Variants in HPF1 observed in about 807,000 individuals in gnomAD.
HPF1 encodes the protein UPF0609 protein C4orf27.
Under a neutral mutation model 38.8 loss-of-function variants are expected in HPF1, and 35 were observed. The ratio of observed to expected loss-of-function variants is 0.90; its 90% CI spans 0.69 to 1.19. The LOEUF (loss-of-function observed/expected upper bound fraction) is 1.19. Ranked by LOEUF, HPF1 falls within the 50% of genes most tolerant of loss-of-function variation. The pLI, the probability that HPF1 is intolerant of heterozygous loss-of-function variation, is 0.00. For synonymous variants in HPF1, 115 were observed against 139.2 expected (o/e 0.83, Z 1.22); for missense variants, 367 against 405.8 (o/e 0.90, Z 0.82).
intron 5 of HPF1, among the ~76,000 whole-genome samples, chr4:169,741,218 G>C (rs1308508209): frequency 6.6e-6 from 1 of 152,196 alleles, no homozygotes; most frequent in African/African-American, 2.4e-5. Flanking sequence ...ACCAGTGCTA[G>C]TTTATTAAGG....
At chr4:169,737,790 C>G (rs1450510798) in intron 5 of HPF1, 43 bp from the exon 6 acceptor site, 2 of 1,223,348 alleles carry the variant, frequency 1.6e-6, no homozygotes, top group Non-Finnish European at 2.3e-6. Flanking sequence ...GGTAAGCAGA[C>G]ATCAAAAAAA....
At position 169,752,211 on chromosome 4, in the gene HPF1, C is replaced by T. The variant is rs1221096313; in HGVS notation, c.208+1465G>A. ...TTTGAGATGGAGTCTCGCTCTGTCA[C>T]CCAGACTGGAGTGCAGTGGTGTGAT... On this transcript the variant is annotated intron_variant, in intron 2 of 7. Transcript: ENST00000393381. Among the ~76,000 whole-genome samples, 5 of 132,462 alleles carry T rather than the reference C, an allele frequency of 3.8e-5. No homozygotes were observed. In the East Asian group the frequency reaches 9.4e-4, roughly 25 times the overall value. 86.9% of individuals were successfully genotyped at this position (132,462 alleles called of 152,430 possible).
chr4:169,736,212 C>A (rs772180459), intron 6 of HPF1, among the ~76,000 whole-genome samples: 5 of 151,758 alleles, frequency 3.3e-5, no homozygotes, highest in African/African-American at 1.2e-4. Context: ...GACCCCGTCT[C>A]TACAGGACAA....
chr4:169,743,656 G>A (rs1448429892), intron 4 of HPF1, among the ~76,000 whole-genome samples: 1 of 151,994 alleles, frequency 6.6e-6, no homozygotes, highest in Non-Finnish European at 1.5e-5. Context: ...GTCATAAACA[G>A]GTTAAGATTT....
intron 3 of HPF1, among the ~76,000 whole-genome samples, chr4:169,749,828 A>C (rs1442902494): frequency 1.3e-5 from 2 of 152,156 alleles, no homozygotes; most frequent in Admixed American, 6.5e-5. Context: ...TTGAGGAAAC[A>C]AATACCGAGA....
rs796566436 is a variant in HPF1 at position 169,737,652 on chromosome 4, T to C, written c.736+8A>G. The stretch of plus-strand genomic sequence containing the variant: ...ATATATGCACATGTTTACTATGAAA[T>C]ACATTACCATCTGTTTCAGGGAGCT... On this transcript the variant is annotated splice_region_variant and intron_variant, in intron 6 of 7. Transcript: ENST00000393381. 6.5e-7 allele frequency: 1 copy of C among 1,529,384 alleles called. No homozygotes were observed. The highest frequency in any genetic ancestry group is 1.4e-5 in the African/African-American group (1 of 73,322). The allele number at this position is 1,529,384 out of a possible 1,614,324, so 94.7% of individuals were successfully genotyped here. A position where few individuals can be genotyped will look rare whatever the true frequency, so the allele number is the denominator to read the frequency against.
At position 169,753,753 on chromosome 4, in the gene HPF1, T is replaced by C; in HGVS notation, c.131A>G (p.His44Arg). 6.2e-7 allele frequency: 1 copy of C among 1,613,546 alleles called. No homozygotes were observed. Among genetic ancestry groups the C allele is most frequent in the Non-Finnish European group, 8.5e-7 (1 of 1,179,600 alleles). Residue 44 changes from histidine (H) to arginine (R), a missense_variant, in exon 2 of 8, where the codon CAT (histidine) becomes CGT (arginine). By Grantham distance (29) the His-to-Arg change is conservative. Coordinates refer to ENST00000393381, the MANE Select transcript of HPF1 (RefSeq NM_017867.3). ...SSDLRKEVEN[H>R]YKLSLPEDFY... ...ATCTTCAGGTAAAGAAAGCTTATAA[T>C]GATTTTCTACTTCTTTTCGAAGGTC...
At chr4:169,745,240 C>T (rs1439763117) in intron 4 of HPF1, among the ~76,000 whole-genome samples, 1 of 152,192 alleles carries the variant, frequency 6.6e-6, no homozygotes, top group Non-Finnish European at 1.5e-5. Context: ...TTGGCAGCTG[C>T]ACTAAACCCT....
chr4:169,731,974 G>C (rs1481762193), intron 6 of HPF1, 98 bp from the exon 7 acceptor site: 1 of 957,444 alleles, frequency 1.0e-6, no homozygotes, highest in African/African-American at 1.7e-5. Flanking sequence ...TTCCTCCTAA[G>C]ACTTTGTACT....
Position 169,757,888 on chromosome 4 carries a change from C to G in HPF1, c.-11G>C. On this transcript the variant is annotated 5_prime_UTR_variant, in exon 1 of 8. Coordinates refer to ENST00000393381, the MANE Select transcript of HPF1 (RefSeq NM_017867.3). Reference sequence around the variant, plus strand: ...GCCACCGCCGACCATTCTGCAGCTGCAGCGCCAGCAGAATTCCCCGATCCG... The same window carrying G: ...GCCACCGCCGACCATTCTGCAGCTGGAGCGCCAGCAGAATTCCCCGATCCG... 1 of 1,550,762 alleles carries G rather than the reference C, an allele frequency of 6.4e-7. No individual in the cohort carries two copies. The highest frequency in any genetic ancestry group is 1.9e-5 in the Admixed American group (1 of 53,474).
rs555565640 is a variant in HPF1 at position 169,753,849 on chromosome 4, C to T, written c.49-14G>A. The T allele has an allele frequency of 6.2e-7, 1 of 1,600,744 alleles. No homozygotes were observed. Among genetic ancestry groups the T allele is most frequent in the African/African-American group, 1.4e-5 (1 of 74,046 alleles). ...TGTTTTTTCACACTGAAAATTGGCA[C>T]ACAAACTTTAGTTCTCCAAATTTCA... On this transcript the variant is annotated splice_polypyrimidine_tract_variant and intron_variant, in intron 1 of 7. Coordinates refer to ENST00000393381, the MANE Select transcript of HPF1 (RefSeq NM_017867.3).
At chr4:169,738,364 A>G (rs1733924312) in intron 5 of HPF1, among the ~76,000 whole-genome samples, 1 of 152,156 alleles carries the variant, frequency 6.6e-6, no homozygotes, top group Non-Finnish European at 1.5e-5. Flanking sequence ...TACAACTACC[A>G]CCATAACCCT....
In HPF1 at chr4:169,753,786, A is replaced by G. The variant is rs775297235; in HGVS notation, c.98T>C (p.Val33Ala). ...TACTTCTTTTCGAAGGTCACTGGAGACATCAGCTTCACAGAATTTACTTTT... is the reference window on the plus strand; with the variant it reads ...TACTTCTTTTCGAAGGTCACTGGAGGCATCAGCTTCACAGAATTTACTTTT... ...VKKSKFCEAD[V>A]SSDLRKEVEN... The change falls in exon 2 of 8, where the codon GTC (valine) becomes GCC (alanine). Residue 33 changes from valine (V) to alanine (A), a missense_variant. Transcript: ENST00000393381. 15 of 1,612,120 alleles carry G rather than the reference A, an allele frequency of 9.3e-6. No homozygotes were observed. The highest frequency in any genetic ancestry group is 1.2e-5 in the Non-Finnish European group (14 of 1,179,410).
At chr4:169,753,638 C>T in intron 2 of HPF1, 38 bp downstream of exon 2, 1 of 1,571,250 alleles carries the variant, frequency 6.4e-7, no homozygotes, top group Non-Finnish European at 8.7e-7. Context: ...TTACATTACT[C>T]TTTCCATTAA....
intron 1 of HPF1, among the ~76,000 whole-genome samples, chr4:169,754,984 A>G (rs1171448991): frequency 1.3e-5 from 2 of 151,996 alleles, no homozygotes; most frequent in Non-Finnish European, 2.9e-5. Context: ...TTTGTTACAT[A>G]TGTATACATG....
At chr4:169,745,649 C>T (rs1272701381) in intron 4 of HPF1, among the ~76,000 whole-genome samples, 1 of 152,124 alleles carries the variant, frequency 6.6e-6, no homozygotes. Context: ...CAATGGTAGA[C>T]ATCTAATACA....
At position 169,729,665 on chromosome 4, in the gene HPF1, AT is replaced by A. The variant is rs776407985; in HGVS notation, c.953del (p.Asn318IlefsTer3). ...VAGQLLPLAY[N>X]LLKRNLFAEI... Reference sequence around the variant, plus strand: ...CTGCAAACAGATTCCTCTTCAACAGATTATATGCAAGAGGTAAAAGCTGGCC... The same window carrying A: ...CTGCAAACAGATTCCTCTTCAACAGATATATGCAAGAGGTAAAAGCTGGCC... On this transcript the variant is annotated frameshift_variant, in exon 8 of 8. Coordinates refer to ENST00000393381, the MANE Select transcript of HPF1 (RefSeq NM_017867.3). LOFTEE classifies it high-confidence loss of function. The A allele has an allele frequency of 2.0e-5, 31 of 1,576,942 alleles. 1 individual carries two copies. The highest frequency in any genetic ancestry group is 2.5e-5 in the Non-Finnish European group (29 of 1,164,738).
At chr4:169,732,133 C>A in intron 6 of HPF1, 2 of 273,874 alleles carry the variant, frequency 7.3e-6, no homozygotes, top group Non-Finnish European at 6.5e-6. Context: ...TAGTTACAGT[C>A]ACGATTTTTT....
chr4:169,739,326 G>A (rs1733936750), intron 5 of HPF1, among the ~76,000 whole-genome samples: 2 of 151,814 alleles, frequency 1.3e-5, no homozygotes, highest in Non-Finnish European at 2.9e-5. Context: ...TAAACTATAA[G>A]GGAGTCTAAC....
Sources: allele counts gnomAD v4.1 joint callset (sites outside exome capture counted in the v4.1 genomes callset), GRCh38; gene constraint gnomAD v4.1.1; transcripts MANE v1.5; gene names NCBI Gene and HGNC (gene_info 2026-07-23, HGNC 2026-07-21).